MYCBP2: variants seen among roughly 807,000 people sequenced by gnomAD.
MYCBP2 encodes the protein MYC binding protein 2.
MYCBP2 carries 120 observed loss-of-function variants against 525.3 expected under a neutral mutation model. The observed-to-expected ratio is 0.23, with a 90% CI of 0.20 to 0.27. The LOEUF is 0.27. Ranked by LOEUF, MYCBP2 falls within the 10% of genes least tolerant of loss-of-function variation. The pLI, the probability that MYCBP2 is intolerant of heterozygous loss-of-function variation, is 1.00. For missense variants in MYCBP2, 4,149 were observed against 5,657.1 expected (o/e 0.73, Z 8.55); for synonymous variants, 1,894 against 1,955.8 (o/e 0.97, Z 0.83).
intron 26 of MYCBP2, among the ~76,000 whole-genome samples, chr13:77,204,314 C>T (rs1258616398): frequency 2.0e-5 from 3 of 150,352 alleles, no homozygotes; most frequent in East Asian, 3.9e-4. Context: ...CCATCACTGG[C>T]CATCAGAGAA....
intron 56 of MYCBP2, among the ~76,000 whole-genome samples, chr13:77,097,129 C>A (rs576360310): frequency 6.6e-6 from 1 of 152,142 alleles, no homozygotes; most frequent in Non-Finnish European, 1.5e-5. Flanking sequence ...TTGGGTAACA[C>A]ATAATATTTT....
chr13:77,130,603 C>T (rs2052592458), intron 52 of MYCBP2, among the ~76,000 whole-genome samples: 1 of 151,978 alleles, frequency 6.6e-6, no homozygotes, highest in Non-Finnish European at 1.5e-5. Flanking sequence ...GGAATACGTC[C>T]TTTCTCTTTA....
intron 52 of MYCBP2, among the ~76,000 whole-genome samples, chr13:77,134,425 T>C (rs1411069744): frequency 1.3e-5 from 2 of 151,998 alleles, no homozygotes; most frequent in Non-Finnish European, 2.9e-5. Flanking sequence ...TACCAGCTAC[T>C]TGGGAGGCTG....
intron 46 of MYCBP2, among the ~76,000 whole-genome samples, chr13:77,152,158 T>C (rs2056555533): frequency 6.6e-6 from 1 of 152,236 alleles, no homozygotes; most frequent in South Asian, 2.1e-4. Flanking sequence ...TTTGAGACTT[T>C]CGCTATTTAT....
chr13:77,282,620 A>G (rs1027441526), intron 3 of MYCBP2, among the ~76,000 whole-genome samples: 6 of 152,148 alleles, frequency 3.9e-5, no homozygotes, highest in African/African-American at 1.4e-4. Context: ...ATTTGTTTCA[A>G]CTTGTGCCTA....
At chr13:77,087,657 G>T in intron 61 of MYCBP2, 24 bp from the exon 62 acceptor site, 1 of 1,594,160 alleles carries the variant, frequency 6.3e-7, no homozygotes, top group Non-Finnish European at 8.5e-7. Context: ...GGTTAAATGA[G>T]TTCAAGAATA....
intron 46 of MYCBP2, among the ~76,000 whole-genome samples, chr13:77,155,269 T>C (rs2057070737): frequency 1.3e-5 from 2 of 152,098 alleles, no homozygotes; most frequent in Admixed American, 6.5e-5. Context: ...CATGAAGTAG[T>C]TGAAATAGTT....
At chr13:77,188,854 A>G (rs1036730533) in intron 30 of MYCBP2, 97 bp downstream of exon 30, 1 of 696,170 alleles carries the variant, frequency 1.4e-6, no homozygotes, top group Non-Finnish European at 2.2e-6. Context: ...TTATAAATCT[A>G]GGCTAAGATA....
At chr13:77,225,312 G>C (rs1367846055) in intron 19 of MYCBP2, 123 bp downstream of exon 19, 1 of 1,273,594 alleles carries the variant, frequency 7.9e-7, no homozygotes, top group Non-Finnish European at 1.1e-6. Flanking sequence ...TTACAGATTT[G>C]AGAGACTGCC....
intron 23 of MYCBP2, among the ~76,000 whole-genome samples, chr13:77,208,080 G>C (rs1415380146): frequency 6.6e-6 from 1 of 151,078 alleles, no homozygotes; most frequent in African/African-American, 2.4e-5. Context: ...TGCAACATGT[G>C]GATTCAGTAA....
chr13:77,102,910 G>T (rs1476927298), intron 55 of MYCBP2, among the ~76,000 whole-genome samples: 2 of 151,646 alleles, frequency 1.3e-5, no homozygotes, highest in African/African-American at 4.8e-5. Flanking sequence ...CCCCCAATTA[G>T]GTAATTCTTT....
intron 6 of MYCBP2, 61 bp downstream of exon 6, chr13:77,270,235 G>T: frequency 6.5e-7 from 1 of 1,529,340 alleles, no homozygotes; most frequent in Non-Finnish European, 8.8e-7. Context: ...GAAACACACA[G>T]AACACAATTC....
At chr13:77,091,528 G>C (rs2045419873) in intron 59 of MYCBP2, among the ~76,000 whole-genome samples, 1 of 152,004 alleles carries the variant, frequency 6.6e-6, no homozygotes, top group Non-Finnish European at 1.5e-5. Context: ...GCTACCCTGA[G>C]CCAGGTAATT....
intron 52 of MYCBP2, among the ~76,000 whole-genome samples, chr13:77,128,885 A>C (rs545578781): frequency 6.6e-6 from 1 of 152,192 alleles, no homozygotes; most frequent in East Asian, 1.9e-4. Flanking sequence ...TAAATAAGTT[A>C]GTTGTGAAAA....
At chr13:77,070,812 G>A (rs2041090646) in intron 68 of MYCBP2, 101 bp from the exon 69 acceptor site, 1 of 649,756 alleles carries the variant, frequency 1.5e-6, no homozygotes, top group Non-Finnish European at 2.4e-6. Flanking sequence ...ATAATTTTGT[G>A]TATATATTTT....
intron 2 of MYCBP2, among the ~76,000 whole-genome samples, chr13:77,291,192 G>T (rs183483027): frequency 6.6e-6 from 1 of 152,110 alleles, no homozygotes; most frequent in East Asian, 1.9e-4. Flanking sequence ...AATTCAATAA[G>T]AAGAAGACAA....
chr13:77,047,836 C>T (rs527495923), intron 82 of MYCBP2, among the ~76,000 whole-genome samples: 8 of 152,196 alleles, frequency 5.3e-5, no homozygotes, highest in South Asian at 2.1e-4. Context: ...AGTCACGCTG[C>T]GGGCCAAGAC....
intron 29 of MYCBP2, among the ~76,000 whole-genome samples, chr13:77,189,923 A>C (rs986875601): frequency 1.3e-5 from 2 of 152,202 alleles, no homozygotes; most frequent in African/African-American, 4.8e-5. Context: ...TCACTTCTCC[A>C]AGACAAATTT....
chr13:77,094,174 C>A (rs565604809), intron 58 of MYCBP2, among the ~76,000 whole-genome samples: 2 of 152,104 alleles, frequency 1.3e-5, no homozygotes, highest in African/African-American at 4.8e-5. Flanking sequence ...ACAAAGAGGA[C>A]AATTTCCAAA....
Sources: allele counts gnomAD v4.1 joint callset (sites outside exome capture counted in the v4.1 genomes callset), GRCh38; gene constraint gnomAD v4.1.1; transcripts MANE v1.5; gene names NCBI Gene and HGNC (gene_info 2026-07-23, HGNC 2026-07-21).